Variants in PDXDC1 observed in about 807,000 individuals in gnomAD.
The protein encoded by PDXDC1 is pyridoxal dependent decarboxylase domain containing 1, also known as pyridoxal-dependent decarboxylase domain-containing protein 1.
PDXDC1 carries 42 observed loss-of-function variants against 100.1 expected under a neutral mutation model. That is an observed-to-expected ratio of 0.42 (90% CI 0.33 to 0.54). The LOEUF is 0.54. Ranked by LOEUF, PDXDC1 falls within the 20% of genes least tolerant of loss-of-function variation. PDXDC1 has a pLI of 0.10. For synonymous variants in PDXDC1, 260 were observed against 371.7 expected (o/e 0.70, Z 3.46); for missense variants, 636 against 979.2 (o/e 0.65, Z 4.68).
At chr16:15,081,715 G>C (rs1386588206) in intron 16 of PDXDC1, among the ~76,000 whole-genome samples, 1 of 152,058 alleles carries the variant, frequency 6.6e-6, no homozygotes, top group Non-Finnish European at 1.5e-5. Context: ...TTGGTTGCTT[G>C]TGCTTAGGCA....
At chr16:15,065,252 G>C (rs376645872) in intron 16 of PDXDC1, 2 of 1,613,822 alleles carry the variant, frequency 1.2e-6, no homozygotes, top group Admixed American at 3.3e-5. Context: ...GGGGAAGAAG[G>C]TGTCCAGCGG....
At chr16:15,129,527 G>A (rs964267301) in intron 16 of PDXDC1, among the ~76,000 whole-genome samples, 2 of 152,252 alleles carry the variant, frequency 1.3e-5, no homozygotes, top group African/African-American at 2.4e-5. Flanking sequence ...ACAGCCACGG[G>A]GAGGGTGCTG....
At chr16:15,004,872 T>C (rs973028156) in intron 5 of PDXDC1, among the ~76,000 whole-genome samples, 5 of 152,392 alleles carry the variant, frequency 3.3e-5, no homozygotes, top group Non-Finnish European at 7.3e-5. Flanking sequence ...GCTGTGTAAA[T>C]AGTTGTTACA....
chr16:15,035,845 G>T (rs961746064), intron 22 of PDXDC1, among the ~76,000 whole-genome samples, 171 bp from the exon 23 acceptor site: 1 of 152,158 alleles, frequency 6.6e-6, no homozygotes, highest in African/African-American at 2.4e-5. Flanking sequence ...GAGCATGTTG[G>T]TGTCAAGCTA....
intron 22 of PDXDC1, 39 bp from the exon 23 acceptor site, chr16:15,035,977 T>A: frequency 6.4e-7 from 1 of 1,574,158 alleles, no homozygotes; most frequent in Admixed American, 1.9e-5. Flanking sequence ...AGAAGTATCC[T>A]CACTGAGTTT....
chr16:15,007,114 G>C (rs866637057), intron 6 of PDXDC1, among the ~76,000 whole-genome samples: 1 of 147,180 alleles, frequency 6.8e-6, no homozygotes, highest in Admixed American at 6.8e-5. Context: ...TCCTCAGATG[G>C]ATTTTCAGAG....
At chr16:15,002,242 T>G (rs2151370384) in intron 4 of PDXDC1, among the ~76,000 whole-genome samples, 1 of 152,418 alleles carries the variant, frequency 6.6e-6, no homozygotes, top group South Asian at 2.1e-4. Context: ...AAAATTATTC[T>G]CTTGGTTCAA....
intron 1 of PDXDC1, chr16:14,990,063 A>G: frequency 6.7e-7 from 1 of 1,494,126 alleles, no homozygotes; most frequent in Non-Finnish European, 8.8e-7. Context: ...CCCAAACCAC[A>G]GAAGCAGCAG....
intron 16 of PDXDC1, among the ~76,000 whole-genome samples, chr16:15,096,201 C>A (rs1293518526): frequency 2.0e-5 from 3 of 152,014 alleles, no homozygotes; most frequent in Admixed American, 6.5e-5. Context: ...CTCTGCTTCC[C>A]AGGTTCAAGC....
At chr16:15,033,460 GC>G in intron 19 of PDXDC1, 61 bp downstream of exon 19, 1 of 1,577,676 alleles carries the variant, frequency 6.3e-7, no homozygotes, top group Non-Finnish European at 8.7e-7. Context: ...AACAGCAGGG[GC>G]CACGAGGAAA....
intron 4 of PDXDC1, among the ~76,000 whole-genome samples, chr16:15,002,387 A>G (rs1310465643): frequency 6.6e-6 from 1 of 152,296 alleles, no homozygotes; most frequent in Non-Finnish European, 1.5e-5. Flanking sequence ...TATGTATTAT[A>G]CACCAGCAAA....
intron 16 of PDXDC1, among the ~76,000 whole-genome samples, chr16:15,088,057 A>T (rs1299383989): frequency 6.6e-6 from 1 of 152,142 alleles, no homozygotes; most frequent in East Asian, 1.9e-4. Flanking sequence ...CAGAGGTTGC[A>T]GTGAGCCAAG....
At chr16:15,070,499 C>A (rs962845993) in intron 16 of PDXDC1, among the ~76,000 whole-genome samples, 1 of 151,956 alleles carries the variant, frequency 6.6e-6, no homozygotes, top group African/African-American at 2.4e-5. Flanking sequence ...CCCCTAAGAA[C>A]GTCCCAAGGG....
chr16:15,012,519 A>G (rs1378115908), intron 8 of PDXDC1, among the ~76,000 whole-genome samples: 1 of 152,292 alleles, frequency 6.6e-6, no homozygotes, highest in Non-Finnish European at 1.5e-5. Flanking sequence ...GTGAAATGCA[A>G]ATTAAGATCA....
chr16:15,103,115 A>T (rs1289419431), intron 16 of PDXDC1: 1 of 506,770 alleles, frequency 2.0e-6, no homozygotes, highest in Non-Finnish European at 3.6e-6. Flanking sequence ...CTCTTAAAAA[A>T]AAAAAAAAAA....
intron 1 of PDXDC1, among the ~76,000 whole-genome samples, chr16:14,992,255 A>G (rs1971019793): frequency 6.6e-6 from 1 of 152,290 alleles, no homozygotes. Flanking sequence ...GGGATGGGAA[A>G]GAGCAAAAGT....
chr16:15,063,851 T>C (rs1047317435), intron 16 of PDXDC1, among the ~76,000 whole-genome samples: 1 of 152,218 alleles, frequency 6.6e-6, no homozygotes. Flanking sequence ...TCCATTTTCA[T>C]GTGAAATTGT....
At position 15,130,879 on chromosome 16, in the gene PDXDC1, G is replaced by A; in HGVS notation, c.1400-8000G>A. On this transcript the variant is annotated intron_variant, in intron 16 of 16. Coordinates refer to the PDXDC1 transcript ENST00000535621. ...GATGGCCCTCCTGAGCCCACCCTCTGCCACGGGCCTGAAAGGCCATAGGAG... is the reference window on the plus strand; with the variant it reads ...GATGGCCCTCCTGAGCCCACCCTCTACCACGGGCCTGAAAGGCCATAGGAG... 9 of 723,972 alleles carry A rather than the reference G, an allele frequency of 1.2e-5. No individual in the cohort carries two copies. The South Asian group carries it at 1.4e-4, about 11-fold the overall frequency. The allele number at this position is 723,972 out of a possible 1,614,324, so 44.8% of individuals were successfully genotyped here. A position where few individuals can be genotyped will look rare whatever the true frequency, so the allele number is the denominator to read the frequency against.
intron 16 of PDXDC1, among the ~76,000 whole-genome samples, chr16:15,117,544 T>C (rs1198122223): frequency 3.3e-5 from 5 of 151,230 alleles, no homozygotes; most frequent in Non-Finnish European, 7.4e-5. Context: ...AATACACAAA[T>C]TAGCTGGGCA....
Sources: allele counts gnomAD v4.1 joint callset (sites outside exome capture counted in the v4.1 genomes callset), GRCh38; gene constraint gnomAD v4.1.1; transcripts MANE v1.5; gene names NCBI Gene and HGNC (gene_info 2026-07-23, HGNC 2026-07-21).